The following PAPPA2 variants were observed in gnomAD, a reference collection of about 807,000 sequenced individuals.
PAPPA2 encodes the protein pappalysin-2.
A neutral mutation model predicts 176.4 loss-of-function variants in PAPPA2; 86 were observed. The ratio of observed to expected loss-of-function variants is 0.49; its 90% CI spans 0.41 to 0.58. The LOEUF (loss-of-function observed/expected upper bound fraction) is 0.58, where lower values mean the gene tolerates loss of function less well. Among genes scored for constraint, PAPPA2 ranks in the 20% least tolerant of loss-of-function variants. The probability of loss-of-function intolerance (pLI) is 0.00; values close to 1 mark genes in which losing one functional copy is unlikely to be tolerated. For missense variants in PAPPA2, 2,073 were observed against 2,256.9 expected, an observed-to-expected ratio of 0.92 and a Z score of 1.65; for synonymous variants, 809 against 852.2, an observed-to-expected ratio of 0.95 and a Z score of 0.88.
chr1:176,517,518 C>A (rs954669530), intron 1 of PAPPA2, among the ~76,000 whole-genome samples: 3 of 152,110 alleles, frequency 2.0e-5, no homozygotes, highest in African/African-American at 7.2e-5. Context: ...AGGAGATACC[C>A]ATGACAGCTC....
At chr1:176,632,317 T>G (rs1656389408) in intron 3 of PAPPA2, among the ~76,000 whole-genome samples, 2 of 151,822 alleles carry the variant, frequency 1.3e-5, no homozygotes, top group Non-Finnish European at 2.9e-5. Context: ...CTGATTCAAC[T>G]TTGAAGTTTT....
chr1:176,719,154 C>T (rs182015429), intron 12 of PAPPA2, among the ~76,000 whole-genome samples: 224 of 151,976 alleles, frequency 1.5e-3, no homozygotes, highest in Non-Finnish European at 2.6e-3. Context: ...CAAGTTGAAA[C>T]CTGCAACCTT....
intron 8 of PAPPA2, 66 bp downstream of exon 8, chr1:176,699,655 C>T: frequency 6.6e-7 from 1 of 1,519,816 alleles, no homozygotes; most frequent in Non-Finnish European, 8.8e-7. Flanking sequence ...TACTTTTCCC[C>T]CACTTTTTAA....
intron 1 of PAPPA2, among the ~76,000 whole-genome samples, chr1:176,481,709 CTTTG>C (rs948362164): frequency 1.6e-4 from 24 of 152,132 alleles, no homozygotes; most frequent in African/African-American, 5.3e-4. Flanking sequence ...GTTTTGTTTT[CTTTG>C]TTTGTTTTTG....
intron 3 of PAPPA2, among the ~76,000 whole-genome samples, chr1:176,668,297 G>A (rs961636160): frequency 6.6e-6 from 1 of 152,154 alleles, no homozygotes; most frequent in East Asian, 1.9e-4. Context: ...ATGAGGAAAG[G>A]TAGATCCTGG....
At chr1:176,485,374 A>G (rs1652600137) in intron 1 of PAPPA2, among the ~76,000 whole-genome samples, 1 of 151,866 alleles carries the variant, frequency 6.6e-6, no homozygotes, top group Non-Finnish European at 1.5e-5. Context: ...ACTTCTTGCT[A>G]TTTCTCAAAT....
At chr1:176,682,703 A>G (rs1659643934) in intron 4 of PAPPA2, among the ~76,000 whole-genome samples, 1 of 152,042 alleles carries the variant, frequency 6.6e-6, no homozygotes, top group African/African-American at 2.4e-5. Flanking sequence ...TTATTTTTTA[A>G]TCGTCTCCAT....
intron 1 of PAPPA2, among the ~76,000 whole-genome samples, chr1:176,512,815 A>G (rs1648686382): frequency 6.6e-6 from 1 of 152,212 alleles, no homozygotes; most frequent in Non-Finnish European, 1.5e-5. Context: ...AAACATTTTG[A>G]GCCCTTTACA....
chr1:176,467,334 G>A (rs1014633217), intron 1 of PAPPA2, among the ~76,000 whole-genome samples: 8 of 152,186 alleles, frequency 5.3e-5, no homozygotes, highest in African/African-American at 1.9e-4. Context: ...AAGCTGAGGA[G>A]CTTTTCTCCT....
intron 1 of PAPPA2, among the ~76,000 whole-genome samples, chr1:176,486,849 C>T (rs1197289797): frequency 1.3e-5 from 2 of 151,892 alleles, no homozygotes; most frequent in Admixed American, 6.6e-5. Flanking sequence ...GTGAGGACTT[C>T]TGAAGAAGGA....
chr1:176,658,051 C>G (rs1032196486), intron 3 of PAPPA2, among the ~76,000 whole-genome samples: 2 of 152,002 alleles, frequency 1.3e-5, no homozygotes, highest in Non-Finnish European at 2.9e-5. Flanking sequence ...AGGAATGATA[C>G]TTGCCTTCTG....
chr1:176,822,488 T>C (rs1380429998), intron 21 of PAPPA2, among the ~76,000 whole-genome samples: 1 of 152,196 alleles, frequency 6.6e-6, no homozygotes, highest in African/African-American at 2.4e-5. Flanking sequence ...TTTTTGTATA[T>C]ATTTAATTCC....
chr1:176,794,517 T>C (rs1352055089), intron 20 of PAPPA2, among the ~76,000 whole-genome samples: 5 of 151,904 alleles, frequency 3.3e-5, no homozygotes, highest in Admixed American at 3.3e-4. Context: ...TAAAGAAAAA[T>C]GGGGTTCTAT....
chr1:176,690,351 G>C lies in PAPPA2; in HGVS notation c.2352G>C (p.Arg784=). The C allele has an allele frequency of 1.2e-6, 2 of 1,614,124 alleles. No homozygotes were observed. Among genetic ancestry groups the C allele is most frequent in the Non-Finnish European group, 1.7e-6 (2 of 1,180,016 alleles). ...TAPTPKSELC[R]EPEPTSDTCG... ...CCACTCCCAAGAGTGAGCTGTGCCG[G>C]GAACCAGAGCCCACTAGTGACACCT... Residue 784 remains arginine (R), a synonymous_variant, in exon 5 of 23, where the codon CGG becomes CGC. Coordinates refer to ENST00000367662, the MANE Select transcript of PAPPA2 (RefSeq NM_020318.3).
chr1:176,527,255 G>T (rs886200167), intron 1 of PAPPA2, among the ~76,000 whole-genome samples: 1 of 152,238 alleles, frequency 6.6e-6, no homozygotes, highest in African/African-American at 2.4e-5. Context: ...CAGCCATATT[G>T]TGCAGAGTCC....
intron 21 of PAPPA2, among the ~76,000 whole-genome samples, chr1:176,838,547 G>A (rs1228551861): frequency 6.6e-6 from 1 of 152,172 alleles, no homozygotes; most frequent in Non-Finnish European, 1.5e-5. Flanking sequence ...GATGTATCCA[G>A]TCATCCTGCA....
At chr1:176,568,770 G>T (rs540557372) in intron 2 of PAPPA2, among the ~76,000 whole-genome samples, 1 of 152,282 alleles carries the variant, frequency 6.6e-6, no homozygotes, top group East Asian at 1.9e-4. Context: ...TGGCCCTGTT[G>T]TGTTCATCCC....
intron 1 of PAPPA2, among the ~76,000 whole-genome samples, chr1:176,504,702 A>C (rs527842628): frequency 6.6e-6 from 1 of 152,106 alleles, no homozygotes; most frequent in Non-Finnish European, 1.5e-5. Context: ...GAAAGACTTT[A>C]TATTCTTGGC....
chr1:176,778,309 G>T (rs1664554200), intron 17 of PAPPA2, among the ~76,000 whole-genome samples: 1 of 152,040 alleles, frequency 6.6e-6, no homozygotes, highest in African/African-American at 2.4e-5. Context: ...GGGGAAAGAG[G>T]GGGAAAAAGA....
Sources: allele counts gnomAD v4.1 joint callset (sites outside exome capture counted in the v4.1 genomes callset), GRCh38; gene constraint gnomAD v4.1.1; transcripts MANE v1.5; gene names NCBI Gene and HGNC (gene_info 2026-07-23, HGNC 2026-07-21).